Variants in SLC25A29 observed in about 807,000 individuals in gnomAD.
SLC25A29 encodes mitochondrial basic amino acids transporter.
Under a neutral mutation model 10.0 loss-of-function variants are expected in SLC25A29, and 13 were observed. The ratio of observed to expected loss-of-function variants is 1.30; its 90% CI spans 0.85 to 2.07. The LOEUF (loss-of-function observed/expected upper bound fraction) is 2.07, where lower values mean the gene tolerates loss of function less well. Among genes scored for constraint, SLC25A29 ranks in the 30% most tolerant of loss-of-function variants. SLC25A29 has a pLI of 0.00. For missense variants in SLC25A29, 475 were observed against 447.6 expected, an observed-to-expected ratio of 1.06 and a Z score of -0.55; for synonymous variants, 244 against 221.1, an observed-to-expected ratio of 1.10 and a Z score of -0.92.
At chr14:100,295,560 G>A in intron 2 of SLC25A29, 1 of 1,273,644 alleles carries the variant, frequency 7.9e-7, no homozygotes, top group South Asian at 1.3e-5. Flanking sequence ...GAACTCTGGG[G>A]TTGGGGAGAT....
the SLC25A29 span, among the ~76,000 whole-genome samples, chr14:100,285,867 G>C: frequency 1.3e-3 from 191 of 152,238 alleles, 1 homozygote; most frequent in African/African-American, 4.2e-3. Flanking sequence ...AGAGGCTGCG[G>C]TCCTGGGATT....
chr14:100,289,346 G>A (rs1481288304), downstream of SLC25A29, among the ~76,000 whole-genome samples: 1 of 152,142 alleles, frequency 6.6e-6, no homozygotes, highest in African/African-American at 2.4e-5. Flanking sequence ...CTTTGTAGGG[G>A]GTGCAGATGT....
the SLC25A29 span, chr14:100,280,100 T>C: frequency 6.6e-5 from 10 of 152,370 alleles, no homozygotes; most frequent in South Asian, 8.3e-4. Context: ...CTTGTTAACA[T>C]AGCACTGACT....
At chr14:100,288,586 C>T (rs1891593555), downstream of SLC25A29, among the ~76,000 whole-genome samples, 1 of 137,390 alleles carries the variant, frequency 7.3e-6, no homozygotes, top group African/African-American at 2.6e-5. Flanking sequence ...TCACCCCCCT[C>T]CCCAGCCCCC....
At chr14:100,295,828 C>A (rs931865878) in intron 2 of SLC25A29, 1 of 1,289,604 alleles carries the variant, frequency 7.8e-7, no homozygotes, top group Non-Finnish European at 1.0e-6. Flanking sequence ...ACCCCCTCAT[C>A]ATAGGTCAAG....
At chr14:100,280,870 G>C in the SLC25A29 span, 1 of 151,986 alleles carries the variant, frequency 6.6e-6, no homozygotes, top group South Asian at 2.1e-4. Context: ...ACGTGTCCCA[G>C]ACTGGTCTCA....
intron 2 of SLC25A29, chr14:100,296,077 C>A: frequency 8.2e-7 from 1 of 1,217,360 alleles, no homozygotes; most frequent in Non-Finnish European, 1.1e-6. Context: ...CTCGGGTGGC[C>A]CCTGATGATC....
intron 2 of SLC25A29, chr14:100,298,275 G>C (rs1019047337): frequency 6.2e-6 from 1 of 160,284 alleles, no homozygotes; most frequent in Non-Finnish European, 1.4e-5. Flanking sequence ...AGGGTGGGGG[G>C]TTTATTGGGG....
intron 2 of SLC25A29, chr14:100,293,609 T>G (rs1595354915): frequency 1.8e-6 from 1 of 560,880 alleles, no homozygotes; most frequent in Non-Finnish European, 3.2e-6. Context: ...GGGTAGGGGG[T>G]CCCCAAGATC....
At chr14:100,298,515 T>G in intron 2 of SLC25A29, 1 of 430,792 alleles carries the variant, frequency 2.3e-6, no homozygotes, top group Non-Finnish European at 4.3e-6. Context: ...TTGTATTTTC[T>G]CTCTGAACTT....
At chr14:100,284,017 G>A in the SLC25A29 span, among the ~76,000 whole-genome samples, 2 of 152,042 alleles carry the variant, frequency 1.3e-5, no homozygotes, top group Non-Finnish European at 2.9e-5. Flanking sequence ...GAGTAGCTAC[G>A]ATTACCGTGA....
chr14:100,280,727 T>C, the SLC25A29 span: 4 of 152,118 alleles, frequency 2.6e-5, no homozygotes. Context: ...AGAGTTCAAG[T>C]TCATGTCTTC....
intron 1 of SLC25A29, among the ~76,000 whole-genome samples, chr14:100,302,452 C>T (rs1269083352): frequency 6.6e-6 from 1 of 151,706 alleles, no homozygotes; most frequent in East Asian, 1.9e-4. Flanking sequence ...CTCTGTCTCC[C>T]GGGTTTAAGT....
At chr14:100,284,586 C>G in the SLC25A29 span, among the ~76,000 whole-genome samples, 2 of 152,230 alleles carry the variant, frequency 1.3e-5, no homozygotes, top group South Asian at 2.1e-4. Flanking sequence ...TGTCCCTCCC[C>G]TCCCTCTTGG....
At chr14:100,285,089 A>C in the SLC25A29 span, among the ~76,000 whole-genome samples, 290 of 151,650 alleles carry the variant, frequency 1.9e-3, no homozygotes, top group African/African-American at 6.9e-3. Context: ...GCAAGGAGGC[A>C]GGACGGGGTC....
intron 2 of SLC25A29, chr14:100,295,821 CCCT>C (rs1419105120): frequency 7.8e-7 from 1 of 1,289,690 alleles, no homozygotes; most frequent in Non-Finnish European, 1.0e-6. Flanking sequence ...GCCGGTCACC[CCCT>C]CATCATAGGT....
chr14:100,303,421 G>A (rs1050748598), intron 1 of SLC25A29, among the ~76,000 whole-genome samples: 1 of 152,246 alleles, frequency 6.6e-6, no homozygotes, highest in Non-Finnish European at 1.5e-5. Context: ...GCAGCAAGGC[G>A]TGGGAGGGAG....
Position 100,292,871 on chromosome 14 carries a change from G to A in SLC25A29, c.324C>T (p.Val108=), listed in dbSNP as rs769516416. The A allele has an allele frequency of 8.1e-5, 129 of 1,601,546 alleles. 1 individual carries two copies. Among genetic ancestry groups the A allele is most frequent in the South Asian group, 1.8e-4 (16 of 89,760 alleles). ...TGGCCAGCTCCATGGGGCAGCAGAT[G>A]ACGCACTGGATGGCGCCCGCCGCCG... is the stretch of plus-strand genomic sequence containing the variant. ...AGAAAGAIQC[V]ICCPMELAKT... The change falls in exon 4 of 4, where the codon GTC becomes GTT. Residue 108 remains valine, a synonymous_variant. Coordinates refer to ENST00000359232, the MANE Select transcript of SLC25A29 (RefSeq NM_001039355.3).
chr14:100,299,515 GC>G (rs1256771155), intron 1 of SLC25A29: 31 of 986,764 alleles, frequency 3.1e-5, no homozygotes, highest in Non-Finnish European at 3.6e-5. Context: ...GCCACCTTGA[GC>G]CCAGGGAGAC....
Sources: allele counts gnomAD v4.1 joint callset (sites outside exome capture counted in the v4.1 genomes callset), GRCh38; gene constraint gnomAD v4.1.1; transcripts MANE v1.5; gene names NCBI Gene and HGNC (gene_info 2026-07-23, HGNC 2026-07-21).